Variants in MYO1B observed in about 807,000 individuals in gnomAD.
MYO1B encodes the protein unconventional myosin-Ib.
Under a neutral mutation model 159.7 loss-of-function variants are expected in MYO1B, and 72 were observed. The ratio of observed to expected loss-of-function variants is 0.45; its 90% CI spans 0.37 to 0.55. The LOEUF (loss-of-function observed/expected upper bound fraction) is 0.55, where lower values mean the gene tolerates loss of function less well. MYO1B is among the 20% of genes least tolerant of loss of function. The pLI is 0.00. For synonymous variants in MYO1B, 468 were observed against 473.8 expected, an observed-to-expected ratio of 0.99 and a Z score of 0.16; for missense variants, 1,062 against 1,364.8, an observed-to-expected ratio of 0.78 and a Z score of 3.50.
At chr2:191,419,909 G>A (rs1697831923) in intron 30 of MYO1B, among the ~76,000 whole-genome samples, 1 of 152,114 alleles carries the variant, frequency 6.6e-6, no homozygotes, top group Non-Finnish European at 1.5e-5. Flanking sequence ...TTACAAAAGA[G>A]CCAAAAAACA....
chr2:191,291,976 C>T (rs796471426), intron 2 of MYO1B, among the ~76,000 whole-genome samples: 19 of 152,240 alleles, frequency 1.2e-4, no homozygotes, highest in African/African-American at 4.1e-4. Flanking sequence ...TGACTGTGAA[C>T]ATTTGAGTTA....
At chr2:191,345,433 CT>C (rs1692505966) in intron 5 of MYO1B, among the ~76,000 whole-genome samples, 1 of 152,154 alleles carries the variant, frequency 6.6e-6, no homozygotes, top group Non-Finnish European at 1.5e-5. Flanking sequence ...TGAAACAATC[CT>C]TTTACCCTAT....
intron 7 of MYO1B, among the ~76,000 whole-genome samples, chr2:191,356,452 A>C (rs922387519): frequency 1.3e-5 from 2 of 151,778 alleles, no homozygotes; most frequent in Non-Finnish European, 2.9e-5. Context: ...TGAAATTTCA[A>C]AAGAGCAATG....
chr2:191,421,579 G>A (rs1697946297), intron 30 of MYO1B, among the ~76,000 whole-genome samples: 1 of 151,954 alleles, frequency 6.6e-6, no homozygotes, highest in South Asian at 2.1e-4. Flanking sequence ...AGCTGCAAAC[G>A]ATTCCCCTGC....
At chr2:191,256,034 ACT>A (rs1430448708) in intron 1 of MYO1B, among the ~76,000 whole-genome samples, 3 of 152,058 alleles carry the variant, frequency 2.0e-5, no homozygotes, top group Non-Finnish European at 4.4e-5. Flanking sequence ...TTAAACACAC[ACT>A]GAGGGCTCAG....
chr2:191,300,181 G>A (rs916421724), intron 3 of MYO1B, among the ~76,000 whole-genome samples: 15 of 152,140 alleles, frequency 9.9e-5, no homozygotes, highest in African/African-American at 4.8e-5. Context: ...ATGTAAGGGG[G>A]TAAGATGACC....
chr2:191,262,766 G>A (rs908727363), intron 1 of MYO1B, among the ~76,000 whole-genome samples: 6 of 152,060 alleles, frequency 3.9e-5, no homozygotes, highest in Non-Finnish European at 7.3e-5. Flanking sequence ...CCAGGTCACC[G>A]TCTTCTGAAT....
Position 191,343,702 on chromosome 2 carries a change from G to T in MYO1B, c.451+2137G>T, listed in dbSNP as rs529989885. On this transcript the variant is annotated intron_variant, in intron 5 of 30. Transcript: ENST00000392318. ...TGTGATGTAAAGGAGAAATGCTGAG[G>T]AATGCTGTAGCCTGCATCTGTGACT... is the stretch of plus-strand genomic sequence containing the variant. 7.1e-4 allele frequency among the ~76,000 whole-genome samples: 108 copies of T among 152,310 alleles called. 1 individual carries two copies. The highest frequency in any genetic ancestry group is 2.6e-3 in the African/African-American group (106 of 41,562).
intron 1 of MYO1B, among the ~76,000 whole-genome samples, chr2:191,254,603 T>A (rs1198978049): frequency 2.0e-5 from 3 of 151,928 alleles, no homozygotes; most frequent in Admixed American, 1.3e-4. Flanking sequence ...ACTCCTGGAC[T>A]CAAATGAGCC....
chr2:191,309,681 A>G (rs1187215688), intron 3 of MYO1B, among the ~76,000 whole-genome samples: 1 of 151,718 alleles, frequency 6.6e-6, no homozygotes, highest in African/African-American at 2.4e-5. Flanking sequence ...TGTCAGCATC[A>G]CTCTTGTACC....
In MYO1B at chr2:191,362,354, A is replaced by C; in HGVS notation, c.748A>C (p.Asn250His). The C allele has an allele frequency of 6.2e-7, 1 of 1,613,752 alleles. No homozygotes were observed. Among genetic ancestry groups the C allele is most frequent in the Middle Eastern group, 1.7e-4 (1 of 6,060 alleles). The change falls in exon 9 of 31, where the codon AAT becomes CAT. Residue 250 changes from asparagine to histidine, a missense_variant. Physicochemically the swap from Asn to His is moderately conservative, Grantham distance 68. This residue lies in a region of MYO1B where 415 missense variants were observed against 544.0 expected (regional missense o/e 0.76). Coordinates refer to ENST00000392318, the MANE Select transcript of MYO1B (RefSeq NM_001130158.3). ...AKVNGVDDAA[N>H]FRTVRNAMQI... ...AGTGAATGGAGTGGATGATGCAGCA[A>C]ATTTTAGAACCGTGCGGGTAAGATG...
At chr2:191,352,795 G>A (rs1217955982) in intron 7 of MYO1B, among the ~76,000 whole-genome samples, 1 of 152,176 alleles carries the variant, frequency 6.6e-6, no homozygotes, top group African/African-American at 2.4e-5. Flanking sequence ...GTCACTGGGA[G>A]TTGCTGCCTT....
chr2:191,260,462 A>G (rs1287940082), intron 1 of MYO1B, among the ~76,000 whole-genome samples: 1 of 151,842 alleles, frequency 6.6e-6, no homozygotes, highest in Non-Finnish European at 1.5e-5. Context: ...GTCTTTACAC[A>G]GTGTTTTAGT....
At chr2:191,277,746 G>A (rs1165128404) in intron 2 of MYO1B, among the ~76,000 whole-genome samples, 1 of 152,124 alleles carries the variant, frequency 6.6e-6, no homozygotes, top group African/African-American at 2.4e-5. Context: ...CTAAACCAAA[G>A]AAATGAGGCA....
At position 191,408,100 on chromosome 2, in the gene MYO1B, A is replaced by G; in HGVS notation, c.2557-15A>G. Reference sequence around the variant, plus strand: ...CCACACATTAACCACTGTAACCTACATCTTCTTTTTAAAGGTACGTAGAGA... The same window carrying G: ...CCACACATTAACCACTGTAACCTACGTCTTCTTTTTAAAGGTACGTAGAGA... On this transcript the variant is annotated splice_polypyrimidine_tract_variant and intron_variant, in intron 24 of 30. Transcript: ENST00000392318. The G allele has an allele frequency of 1.3e-6, 2 of 1,590,402 alleles. No homozygotes were observed. The highest frequency in any genetic ancestry group is 1.7e-6 in the Non-Finnish European group (2 of 1,158,964).
At chr2:191,258,028 A>G (rs1293728639) in intron 1 of MYO1B, among the ~76,000 whole-genome samples, 7 of 152,224 alleles carry the variant, frequency 4.6e-5, no homozygotes, top group Non-Finnish European at 8.8e-5. Context: ...AAAAGAAGAC[A>G]TCATAGGAAT....
intron 25 of MYO1B, among the ~76,000 whole-genome samples, chr2:191,408,635 A>G (rs1697074686): frequency 6.6e-6 from 1 of 152,200 alleles, no homozygotes; most frequent in Admixed American, 6.5e-5. Context: ...TGCTGAACAG[A>G]CTGCAAACTC....
intron 17 of MYO1B, among the ~76,000 whole-genome samples, chr2:191,390,060 C>T (rs1695650006): frequency 6.6e-6 from 1 of 152,204 alleles, no homozygotes; most frequent in Non-Finnish European, 1.5e-5. Flanking sequence ...TACTTATCCA[C>T]ATTATTGCAT....
chr2:191,395,414 A>G (rs1352394396), intron 20 of MYO1B, among the ~76,000 whole-genome samples: 1 of 152,194 alleles, frequency 6.6e-6, no homozygotes, highest in African/African-American at 2.4e-5. Flanking sequence ...CTGATCTTCC[A>G]AGACATAGCC....
Sources: gnomAD v4.1 joint callset for allele counts (sites outside exome capture counted in the v4.1 genomes callset) on GRCh38, gnomAD v4.1.1 for gene constraint, gnomAD v4.1.1 regional missense constraint, MANE v1.5 for transcripts, NCBI Gene and HGNC (gene_info 2026-07-23, HGNC 2026-07-21) for gene names.